DNAH7: variants seen among roughly 807,000 people sequenced by gnomAD.
DNAH7 encodes axonemal beta dynein heavy chain 7.
DNAH7 carries 397 observed loss-of-function variants against 444.6 expected under a neutral mutation model. The ratio of observed to expected loss-of-function variants is 0.89; its 90% confidence interval spans 0.82 to 0.97. The LOEUF (loss-of-function observed/expected upper bound fraction) is 0.97. Ranked by LOEUF, DNAH7 falls within the 50% of genes least tolerant of loss-of-function variation. The probability of loss-of-function intolerance (pLI) is 0.00; values close to 1 mark genes in which losing one functional copy is unlikely to be tolerated. For missense variants in DNAH7, 4,902 were observed against 4,800.8 expected (o/e 1.02, Z -0.62); for synonymous variants, 1,636 against 1,624.4 (o/e 1.01, Z -0.17).
Position 196,047,472 on chromosome 2 carries a change from T to C in DNAH7, c.278A>G (p.Lys93Arg). ...ATCAACTTGGTGGGGTAATTTGCCC[T>C]TTTTTCCAAAACGTTCCATGTATTC... Reference protein sequence around the residue: ...HAEYMERFGKKGKLPHQVDDS... With the variant: ...HAEYMERFGKRGKLPHQVDDS... The change falls in exon 5 of 65, where the codon AAG becomes AGG. Residue 93 changes from lysine to arginine, a missense_variant. By Grantham distance (26) the Lys-to-Arg change is conservative. Transcript: ENST00000312428. The C allele has an allele frequency of 1.9e-6, 3 of 1,594,936 alleles. No individual in the cohort carries two copies. Among genetic ancestry groups the C allele is most frequent in the South Asian group, 1.1e-5 (1 of 87,164 alleles).
At chr2:195,987,811 T>C (rs1693022948) in intron 13 of DNAH7, 146 bp downstream of exon 13, 2 of 796,030 alleles carry the variant, frequency 2.5e-6, no homozygotes, top group Non-Finnish European at 3.8e-6. Flanking sequence ...CTTACCACAA[T>C]GCTAGGGACA....
At chr2:195,910,236 A>AT (rs762044884) in intron 24 of DNAH7, 41 bp from the exon 25 acceptor site, 196 of 1,419,234 alleles carry the variant, frequency 1.4e-4, no homozygotes, top group Middle Eastern at 1.9e-4. Flanking sequence ...GAATAATGTG[A>AT]TTTTTTTTCC....
At chr2:196,031,016 T>C (rs968345094) in intron 5 of DNAH7, among the ~76,000 whole-genome samples, 3 of 152,244 alleles carry the variant, frequency 2.0e-5, no homozygotes, top group Non-Finnish European at 4.4e-5. Context: ...TGACCCCACA[T>C]TTCCCTTCTG....
intron 42 of DNAH7, 39 bp downstream of exon 42, chr2:195,861,678 T>A (rs1175572446): frequency 2.8e-6 from 4 of 1,433,192 alleles, no homozygotes; most frequent in Non-Finnish European, 3.9e-6. Flanking sequence ...TATTTTTAAT[T>A]GCCATAGCTT....
chr2:195,873,174 T>A (rs1700821110), intron 39 of DNAH7, among the ~76,000 whole-genome samples: 1 of 152,192 alleles, frequency 6.6e-6, no homozygotes, highest in African/African-American at 2.4e-5. Context: ...TATCTCTGCA[T>A]CTTGTGGAGT....
chr2:195,832,163 C>A (rs1271985032), intron 48 of DNAH7, among the ~76,000 whole-genome samples: 2 of 151,998 alleles, frequency 1.3e-5, no homozygotes, highest in Non-Finnish European at 2.9e-5. Context: ...TGGTCATGAC[C>A]CACTAAATTG....
intron 55 of DNAH7, 129 bp downstream of exon 55, chr2:195,799,167 G>T: frequency 1.3e-6 from 1 of 763,168 alleles, no homozygotes. Context: ...TTGGGATTCT[G>T]TCAACTTGTG....
At chr2:195,976,357 A>G (rs1001264371) in intron 15 of DNAH7, among the ~76,000 whole-genome samples, 2 of 152,028 alleles carry the variant, frequency 1.3e-5, no homozygotes, top group Admixed American at 6.6e-5. Flanking sequence ...AAGGGGAGGG[A>G]AGAGTGGGAA....
At position 195,960,504 on chromosome 2, in the gene DNAH7, G is replaced by C. The variant is rs771323195; in HGVS notation, c.2647C>G (p.Pro883Ala). 6.2e-7 allele frequency: 1 copy of C among 1,613,984 alleles called. No individual in the cohort carries two copies. The highest frequency in any genetic ancestry group is 2.2e-5 in the East Asian group (1 of 44,890). The part of the protein sequence containing the change: ...VSSFLDMNLE[P>A]YIDRFEGISE... ...ATACCTTCAAATCGGTCTATATATG[G>C]TTCCAGATTCATGTCTAAAAAAGAG... The change falls in exon 18 of 65, where the codon CCA becomes GCA. Residue 883 changes from proline to alanine, a missense_variant. Physicochemically the swap from Pro to Ala is conservative, Grantham distance 27. Transcript: ENST00000312428.
intron 19 of DNAH7, among the ~76,000 whole-genome samples, chr2:195,952,301 C>T (rs1690314148): frequency 6.6e-6 from 1 of 152,332 alleles, no homozygotes; most frequent in Non-Finnish European, 1.5e-5. Flanking sequence ...GAGAGATCTG[C>T]TGTTAGTTCA....
intron 19 of DNAH7, among the ~76,000 whole-genome samples, chr2:195,951,215 A>T (rs1397473922): frequency 2.0e-5 from 3 of 152,138 alleles, no homozygotes; most frequent in Non-Finnish European, 2.9e-5. Context: ...GTCATTCAGG[A>T]GCAGGTTGTT....
At chr2:195,908,997 A>C (rs1343424663) in intron 25 of DNAH7, among the ~76,000 whole-genome samples, 1 of 152,146 alleles carries the variant, frequency 6.6e-6, no homozygotes, top group African/African-American at 2.4e-5. Context: ...AAAATTTGGA[A>C]ACGTAAACAT....
Position 195,972,436 on chromosome 2 carries a change from T to A in DNAH7, c.1864A>T (p.Met622Leu). 1.2e-6 allele frequency: 2 copies of A among 1,614,106 alleles called. No homozygotes were observed. The highest frequency in any genetic ancestry group is 1.7e-6 in the Non-Finnish European group (2 of 1,179,984). ...ACTAATCTCTGTTCTAGTTCAATCA[T>A]ATCAGTTACCTCCACTTTCTGAATG... ...AYIQKVEVTD[M>L]IELEQRLVDS... The change falls in exon 16 of 65, where the codon ATG (methionine) becomes TTG (leucine). Residue 622 changes from methionine (M) to leucine (L), a missense_variant. Coordinates refer to ENST00000312428, the MANE Select transcript of DNAH7 (RefSeq NM_018897.3).
chr2:196,049,288 T>C (rs972835241), intron 3 of DNAH7, among the ~76,000 whole-genome samples: 1 of 152,144 alleles, frequency 6.6e-6, no homozygotes, highest in East Asian at 1.9e-4. Flanking sequence ...CACAGGAAAA[T>C]AGGATAAGAA....
intron 41 of DNAH7, 77 bp from the exon 42 acceptor site, chr2:195,862,023 C>A (rs1700044663): frequency 9.0e-7 from 1 of 1,108,444 alleles, no homozygotes; most frequent in African/African-American, 1.6e-5. Flanking sequence ...CCCTTTACAA[C>A]TTATGGATGT....
chr2:195,962,831 C>G (rs1691201564), intron 17 of DNAH7, among the ~76,000 whole-genome samples: 1 of 152,084 alleles, frequency 6.6e-6, no homozygotes, highest in African/African-American at 2.4e-5. Flanking sequence ...AATTGTTTTA[C>G]TTTTTAGCTC....
In DNAH7 at chr2:195,875,752, C is replaced by T; in HGVS notation, c.6209G>A (p.Trp2070Ter). ...ACAATCTTTTAGATCATACCAGTTC[C>T]AGTGGTCTAACCACTGTCTAAGTAA... Reference protein sequence around the residue: ...IELLRQWLDHWNWYDLKDCSM... With the variant: ...IELLRQWLDH Residue 2070 changes from tryptophan to a stop codon, truncating the protein, a stop_gained, in exon 38 of 65, where the codon TGG becomes TAG. Transcript: ENST00000312428. LOFTEE classifies it high-confidence loss of function. The T allele has an allele frequency of 6.2e-7, 1 of 1,613,610 alleles. No homozygotes were observed. Among genetic ancestry groups the T allele is most frequent in the South Asian group, 1.1e-5 (1 of 90,990 alleles).
chr2:195,744,788 G>T (rs1693284530), intron 63 of DNAH7, among the ~76,000 whole-genome samples: 3 of 152,242 alleles, frequency 2.0e-5, no homozygotes, highest in Non-Finnish European at 4.4e-5. Context: ...ACCTGCAGCT[G>T]AGGGTCCTGT....
intron 5 of DNAH7, among the ~76,000 whole-genome samples, chr2:196,042,007 A>G (rs541146959): frequency 6.6e-6 from 1 of 152,194 alleles, no homozygotes; most frequent in South Asian, 2.1e-4. Flanking sequence ...CAAAACCACA[A>G]TGAGATATTA....
Sources: gnomAD v4.1 joint callset for allele counts (sites outside exome capture counted in the v4.1 genomes callset) on GRCh38, gnomAD v4.1.1 for gene constraint, MANE v1.5 for transcripts, NCBI Gene and HGNC (gene_info 2026-07-23, HGNC 2026-07-21) for gene names.